The following CCDC178 variants were observed in gnomAD, a reference collection of about 807,000 sequenced individuals.
CCDC178 encodes coiled-coil domain-containing protein 178.
In CCDC178, 126 loss-of-function variants were observed where a neutral mutation model predicts 117.4. That is an observed-to-expected ratio of 1.07 (90% confidence interval 0.93 to 1.24). The LOEUF is 1.24. Ranked by LOEUF, CCDC178 falls within the 50% of genes most tolerant of loss-of-function variation. The probability of loss-of-function intolerance (pLI) is 0.00; values close to 1 mark genes in which losing one functional copy is unlikely to be tolerated. For synonymous variants in CCDC178, 283 were observed against 313.4 expected (o/e 0.90, Z 1.02); for missense variants, 1,030 against 986.9 (o/e 1.04, Z -0.59).
Position 33,307,492 on chromosome 18 carries a change from C to T in CCDC178, c.1023-14180G>A, listed in dbSNP as rs146553768. 5.5e-4 allele frequency among the ~76,000 whole-genome samples: 83 copies of T among 152,248 alleles called. 2 individuals carry two copies. The East Asian group carries it at 0.015, about 28-fold the overall frequency. On this transcript the variant is annotated intron_variant, in intron 11 of 22. Coordinates refer to ENST00000383096, the MANE Select transcript of CCDC178 (RefSeq NM_001105528.4). ...AAGTGGCAAAGCATTCAAGAAGAAG[C>T]AAAGCACAAAAGTTTAGAAAATGTG...
intron 21 of CCDC178, among the ~76,000 whole-genome samples, chr18:33,038,164 A>G (rs2056480120): frequency 6.6e-6 from 1 of 151,952 alleles, no homozygotes. Flanking sequence ...TTTGTTTCTA[A>G]AAGTTTGAAT....
At chr18:33,347,167 A>T (rs1257503220) in intron 8 of CCDC178, among the ~76,000 whole-genome samples, 1 of 152,160 alleles carries the variant, frequency 6.6e-6, no homozygotes, top group Non-Finnish European at 1.5e-5. Context: ...GCCTATAAAC[A>T]CTGACTTTTG....
At chr18:33,285,811 T>C (rs1422454906) in intron 12 of CCDC178, among the ~76,000 whole-genome samples, 1 of 152,144 alleles carries the variant, frequency 6.6e-6, no homozygotes, top group Non-Finnish European at 1.5e-5. Context: ...TGGTCATTAG[T>C]ATATATTTGA....
chr18:33,376,572 T>C (rs1484282765), intron 5 of CCDC178, among the ~76,000 whole-genome samples: 2 of 152,134 alleles, frequency 1.3e-5, no homozygotes, highest in Admixed American at 1.3e-4. Flanking sequence ...TAGTACATAA[T>C]GGTTAGTTTT....
In CCDC178 at chr18:33,139,111, G is replaced by A. The variant is rs564420113; in HGVS notation, c.2239-46201C>T. ...CATGAGATCTGATGATTTTAAAAACGGGAGATTCCATGCACAAGCTCTCTC... is the reference window on the plus strand; with the variant it reads ...CATGAGATCTGATGATTTTAAAAACAGGAGATTCCATGCACAAGCTCTCTC... On this transcript the variant is annotated intron_variant, in intron 20 of 22. Coordinates refer to ENST00000383096, the MANE Select transcript of CCDC178 (RefSeq NM_001105528.4). Among the ~76,000 whole-genome samples, 16 of 152,236 alleles carry A rather than the reference G, an allele frequency of 1.1e-4. No homozygotes were observed. The East Asian group carries it at 2.1e-3, about 20-fold the overall frequency.
At chr18:33,171,494 C>G (rs1383575163) in intron 20 of CCDC178, among the ~76,000 whole-genome samples, 1 of 152,172 alleles carries the variant, frequency 6.6e-6, no homozygotes, top group Non-Finnish European at 1.5e-5. Flanking sequence ...TCAGAAATAG[C>G]TTTCTGCTGG....
chr18:33,348,566 C>T (rs2062927260), intron 8 of CCDC178, among the ~76,000 whole-genome samples: 1 of 151,844 alleles, frequency 6.6e-6, no homozygotes, highest in Non-Finnish European at 1.5e-5. Context: ...AGTAGCTATT[C>T]TACTGGACAA....
intron 20 of CCDC178, among the ~76,000 whole-genome samples, chr18:33,096,874 G>A (rs2057550650): frequency 3.9e-5 from 6 of 152,092 alleles, no homozygotes; most frequent in Admixed American, 3.9e-4. Context: ...GTCAGGAGCT[G>A]TGCTAGGAAT....
At chr18:32,954,275 G>A (rs376411827) in intron 22 of CCDC178, among the ~76,000 whole-genome samples, 49 of 151,970 alleles carry the variant, frequency 3.2e-4, no homozygotes, top group African/African-American at 1.0e-3. Context: ...CTATTAAAAC[G>A]TATGCCCTCT....
chr18:33,284,405 A>C (rs757695221), intron 12 of CCDC178, among the ~76,000 whole-genome samples: 1 of 152,240 alleles, frequency 6.6e-6, no homozygotes, highest in Non-Finnish European at 1.5e-5. Flanking sequence ...GTTAAAAAAG[A>C]AACTCTAAAG....
chr18:33,267,311 T>C lies in CCDC178; in HGVS notation c.1177-14A>G. ...CAAATCTTCCAGCTAAGAAAGAAGA[T>C]ATACAGAACAAAGTGAATTGTATAG... On this transcript the variant is annotated splice_polypyrimidine_tract_variant and intron_variant, in intron 12 of 22. Transcript: ENST00000383096. 6.7e-7 allele frequency: 1 copy of C among 1,481,738 alleles called. No individual in the cohort carries two copies. Among genetic ancestry groups the C allele is most frequent in the Non-Finnish European group, 9.2e-7 (1 of 1,082,520 alleles). The allele number at this position is 1,481,738 out of a possible 1,614,324, so 91.8% of individuals were successfully genotyped here.
intron 5 of CCDC178, among the ~76,000 whole-genome samples, chr18:33,372,230 T>C (rs1184545078): frequency 6.6e-6 from 1 of 152,120 alleles, no homozygotes; most frequent in Non-Finnish European, 1.5e-5. Context: ...CAGTGGTTCA[T>C]GTTACTCTTT....
intron 4 of CCDC178, among the ~76,000 whole-genome samples, chr18:33,394,943 G>GTATA (rs61298209): frequency 0.025 from 1,514 of 61,468 alleles, 69 homozygotes; most frequent in Non-Finnish European, 0.026. Context: ...ATATGTATGT[G>GTATA]TATATATATA....
intron 11 of CCDC178, among the ~76,000 whole-genome samples, chr18:33,294,988 C>T (rs1016757627): frequency 2.0e-5 from 3 of 151,976 alleles, no homozygotes; most frequent in African/African-American, 7.3e-5. Flanking sequence ...TTTAAATTTC[C>T]TCATTGTTAT....
chr18:33,286,731 TA>T lies in CCDC178; in HGVS notation c.1176+6427del, dbSNP rs552917890. 1.7e-4 allele frequency among the ~76,000 whole-genome samples: 26 copies of T among 152,250 alleles called. No individual in the cohort carries two copies. In the East Asian group the frequency reaches 3.7e-3, roughly 21 times the overall value. On this transcript the variant is annotated intron_variant, in intron 12 of 22. Coordinates refer to ENST00000383096, the MANE Select transcript of CCDC178 (RefSeq NM_001105528.4). ...AACATTTATATGAAAACTAAGTTACTAAAAAATAATTTTGTGTGTCTATGTG... is the reference window on the plus strand; with the variant it reads ...AACATTTATATGAAAACTAAGTTACTAAAAATAATTTTGTGTGTCTATGTG...
chr18:32,961,148 C>T (rs1315441606), intron 22 of CCDC178, among the ~76,000 whole-genome samples: 2 of 152,030 alleles, frequency 1.3e-5, no homozygotes, highest in Non-Finnish European at 2.9e-5. Context: ...CATATTCTTA[C>T]TGGTTTTCTG....
At chr18:33,237,174 T>A (rs1320146932) in intron 15 of CCDC178, among the ~76,000 whole-genome samples, 1 of 152,088 alleles carries the variant, frequency 6.6e-6, no homozygotes, top group Non-Finnish European at 1.5e-5. Context: ...TGGCGCTCCA[T>A]CTTCATTCCA....
rs143702049 is a variant in CCDC178, at chr18:33,351,148, ATG to A, written c.372-2175_372-2174del. Among the ~76,000 whole-genome samples, 570 of 138,144 alleles carry A rather than the reference ATG, an allele frequency of 4.1e-3. 3 individuals carry two copies. Among genetic ancestry groups the A allele is most frequent in the East Asian group, 8.9e-3 (41 of 4,620 alleles). 90.6% of individuals were successfully genotyped at this position (138,144 alleles called of 152,430 possible). On this transcript the variant is annotated intron_variant, in intron 7 of 22. Coordinates refer to ENST00000383096, the MANE Select transcript of CCDC178 (RefSeq NM_001105528.4). ...TCTAGGATAAATCTCACTGATCATGATGTGTGTGTGTGTGTGTGTGTGTGTGT... is the reference window on the plus strand; with the variant it reads ...TCTAGGATAAATCTCACTGATCATGATGTGTGTGTGTGTGTGTGTGTGTGT...
intron 10 of CCDC178, among the ~76,000 whole-genome samples, chr18:33,332,051 AAATG>A (rs1404265781): frequency 6.6e-6 from 1 of 152,236 alleles, no homozygotes; most frequent in Non-Finnish European, 1.5e-5. Context: ...ATTGTAAGTA[AAATG>A]AATGAACTAG....
Sources: gnomAD v4.1 joint callset for allele counts (sites outside exome capture counted in the v4.1 genomes callset) on GRCh38, gnomAD v4.1.1 for gene constraint, MANE v1.5 for transcripts, NCBI Gene and HGNC (gene_info 2026-07-23, HGNC 2026-07-21) for gene names.